Variants in SESN1 observed in about 807,000 individuals in gnomAD.
The protein encoded by SESN1 is sestrin 1.
A neutral mutation model predicts 59.3 loss-of-function variants in SESN1; 30 were observed. The ratio of observed to expected loss-of-function variants is 0.51; its 90% CI spans 0.38 to 0.69. The LOEUF (loss-of-function observed/expected upper bound fraction) is 0.69, where lower values mean the gene tolerates loss of function less well. Among genes scored for constraint, SESN1 ranks in the 30% least tolerant of loss-of-function variants. The probability of loss-of-function intolerance (pLI) is 0.00; values close to 1 mark genes in which losing one functional copy is unlikely to be tolerated. For synonymous variants in SESN1, 197 were observed against 219.9 expected (o/e 0.90, Z 0.92); for missense variants, 566 against 673.0 (o/e 0.84, Z 1.76).
intron 1 of SESN1, among the ~76,000 whole-genome samples, chr6:109,032,499 T>C (rs1194496883): frequency 6.6e-6 from 1 of 151,392 alleles, no homozygotes; most frequent in Non-Finnish European, 1.5e-5. Context: ...ACACCTGTAA[T>C]CCCAGCTATT....
At chr6:109,092,572 C>A (rs1781333844) in intron 1 of SESN1, among the ~76,000 whole-genome samples, 1 of 152,154 alleles carries the variant, frequency 6.6e-6, no homozygotes, top group African/African-American at 2.4e-5. Context: ...ATAAAAATTA[C>A]ACACAAAAAT....
intron 1 of SESN1, chr6:109,009,600 C>G: frequency 1.9e-6 from 2 of 1,043,076 alleles, no homozygotes; most frequent in Non-Finnish European, 2.3e-6. Context: ...CGGCCCCGCC[C>G]CGCGCCCGTC....
rs750017366 is a variant in SESN1 at position 109,094,169 on chromosome 6, C to A, written c.-96G>T. 26 of 1,330,918 alleles carry A rather than the reference C, an allele frequency of 2.0e-5. No individual in the cohort carries two copies. The highest frequency in any genetic ancestry group is 2.9e-5 in the African/African-American group (2 of 68,194). 82.4% of individuals were successfully genotyped at this position (1,330,918 alleles called of 1,614,324 possible). ...AAAATGAAAAATGTAAAAATAAAAT[C>A]AGAGAAATCAAATCGTCATGAAAAC... On this transcript the variant is annotated 5_prime_UTR_variant, in exon 1 of 10. Transcript: ENST00000436639.
At chr6:108,988,146 T>C (rs929735612) in intron 9 of SESN1, among the ~76,000 whole-genome samples, 3 of 152,214 alleles carry the variant, frequency 2.0e-5, no homozygotes, top group African/African-American at 7.2e-5. Flanking sequence ...TCATGTTTCT[T>C]GGAGGTTTGT....
At chr6:109,046,229 G>A (rs10428771) in intron 1 of SESN1, among the ~76,000 whole-genome samples, 558 of 144,400 alleles carry the variant, frequency 3.9e-3, no homozygotes, top group African/African-American at 0.011. Flanking sequence ...GAGTGCCTGC[G>A]ATTGCAGGCA....
At chr6:109,047,410 G>T (rs1311571656) in intron 1 of SESN1, among the ~76,000 whole-genome samples, 11 of 128,300 alleles carry the variant, frequency 8.6e-5, no homozygotes, top group African/African-American at 2.0e-4. Flanking sequence ...CTGCCCGGCC[G>T]CCCCTACTGG....
intron 1 of SESN1, among the ~76,000 whole-genome samples, chr6:109,076,391 A>G (rs944815624): frequency 2.6e-5 from 4 of 152,226 alleles, no homozygotes; most frequent in Non-Finnish European, 4.4e-5. Context: ...GCATAGTAAC[A>G]TTCTAGGGAA....
intron 1 of SESN1, among the ~76,000 whole-genome samples, chr6:109,008,518 A>G (rs895099308): frequency 2.0e-5 from 3 of 152,242 alleles, no homozygotes; most frequent in African/African-American, 7.2e-5. Flanking sequence ...TACATAGTAT[A>G]CTGATAATAG....
At chr6:109,086,617 A>G (rs1235306316) in intron 1 of SESN1, among the ~76,000 whole-genome samples, 1 of 152,246 alleles carries the variant, frequency 6.6e-6, no homozygotes, top group African/African-American at 2.4e-5. Flanking sequence ...AGTGTTGAAA[A>G]TGAGAAAAAA....
chr6:109,046,931 C>A, intron 1 of SESN1, among the ~76,000 whole-genome samples: 1 of 120,964 alleles, frequency 8.3e-6, no homozygotes, highest in Non-Finnish European at 1.8e-5. Context: ...GCCCGGCAGC[C>A]ACCCCATCTG....
chr6:109,081,619 G>A (rs987950234), intron 1 of SESN1, among the ~76,000 whole-genome samples: 6 of 152,138 alleles, frequency 3.9e-5, no homozygotes, highest in African/African-American at 1.4e-4. Context: ...AAGACAACTT[G>A]ATTCCAATCC....
intron 5 of SESN1, among the ~76,000 whole-genome samples, chr6:108,997,014 A>G (rs539239106): frequency 9.2e-5 from 14 of 151,862 alleles, no homozygotes; most frequent in Admixed American, 7.9e-4. Flanking sequence ...AAAGAAATGA[A>G]TAAGTAGTTT....
Position 108,998,585 on chromosome 6 carries a change from G to A in SESN1, c.900C>T (p.Tyr300=). Residue 300 remains tyrosine, a synonymous_variant, in exon 5 of 10, where the codon TAC becomes TAT. Transcript: ENST00000436639. ...HTFRPPSVSN[Y]CICDITNGNH... ...TGCCATTTGTAATGTCACAGATGCA[G>A]TAGTTGCTAACAGAAGGAGGTCTGA... 2 of 1,613,920 alleles carry A rather than the reference G, an allele frequency of 1.2e-6. No individual in the cohort carries two copies. Among genetic ancestry groups the A allele is most frequent in the East Asian group, 2.2e-5 (1 of 44,882 alleles).
chr6:109,041,988 G>A lies in SESN1; in HGVS notation c.280-39645C>T, dbSNP rs952939306. On this transcript the variant is annotated intron_variant, in intron 1 of 9. Transcript: ENST00000436639. ...ATATATTTAAAAGAATGAAAATCAT[G>A]CAAAGTATGTGTTCTCTGATCATAA... Among the ~76,000 whole-genome samples, 15 of 152,190 alleles carry A rather than the reference G, an allele frequency of 9.9e-5. 1 individual carries two copies. In the Middle Eastern group the frequency reaches 0.017, roughly 173 times the overall value.
chr6:109,067,642 ACT>A (rs1388928979), intron 1 of SESN1, among the ~76,000 whole-genome samples: 1 of 151,768 alleles, frequency 6.6e-6, no homozygotes, highest in Non-Finnish European at 1.5e-5. Flanking sequence ...CTTCCTCAGG[ACT>A]CTCAACTGCA....
chr6:108,987,929 T>A (rs887240524), intron 9 of SESN1, among the ~76,000 whole-genome samples: 3 of 151,742 alleles, frequency 2.0e-5, no homozygotes, highest in Admixed American at 6.6e-5. Flanking sequence ...CAGCTTCCCA[T>A]GTAGCTGGGA....
intron 8 of SESN1, among the ~76,000 whole-genome samples, chr6:108,990,409 C>CT (rs1342577587): frequency 6.6e-6 from 1 of 152,190 alleles, no homozygotes; most frequent in Non-Finnish European, 1.5e-5. Context: ...CTGGAGGCAG[C>CT]TGTCATTCAA....
intron 1 of SESN1, among the ~76,000 whole-genome samples, chr6:109,018,569 AG>A (rs34135428): frequency 0.1 from 15,226 of 152,284 alleles, 921 homozygotes; most frequent in Middle Eastern, 0.19. Context: ...GTAATGTTGA[AG>A]GAACAGATTG....
chr6:109,071,006 C>T (rs1218578149), intron 1 of SESN1, among the ~76,000 whole-genome samples: 1 of 152,176 alleles, frequency 6.6e-6, no homozygotes, highest in African/African-American at 2.4e-5. Flanking sequence ...GTTTACCCAT[C>T]TCATTTAAAG....
Sources: gnomAD v4.1 joint callset for allele counts (sites outside exome capture counted in the v4.1 genomes callset) on GRCh38, gnomAD v4.1.1 for gene constraint, MANE v1.5 for transcripts, NCBI Gene and HGNC (gene_info 2026-07-23, HGNC 2026-07-21) for gene names.